Variants in COL22A1 observed in about 807,000 individuals in gnomAD.
The protein encoded by COL22A1 is collagen alpha-1(XXII) chain.
Under a neutral mutation model 248.9 loss-of-function variants are expected in COL22A1, and 221 were observed. The observed-to-expected ratio is 0.89, with a 90% CI of 0.80 to 0.99. The LOEUF (loss-of-function observed/expected upper bound fraction) is 0.99. Among genes scored for constraint, COL22A1 ranks in the 50% least tolerant of loss-of-function variants. COL22A1 has a pLI of 0.00. For synonymous variants in COL22A1, 891 were observed against 793.4 expected (o/e 1.12, Z -2.07); for missense variants, 2,240 against 2,179.0 (o/e 1.03, Z -0.56).
At chr8:138,911,254 C>A (rs1815432132) in intron 1 of COL22A1, among the ~76,000 whole-genome samples, 1 of 152,306 alleles carries the variant, frequency 6.6e-6, no homozygotes, top group South Asian at 2.1e-4. Flanking sequence ...CTCTGGGGAC[C>A]AAGACAGCAG....
chr8:138,697,848 G>A (rs766107309), intron 32 of COL22A1, among the ~76,000 whole-genome samples: 17 of 152,362 alleles, frequency 1.1e-4, no homozygotes, highest in African/African-American at 3.8e-4. Context: ...CCATGGTGAC[G>A]AAGCCAGTCC....
Position 138,785,238 on chromosome 8 carries a change from C to T in COL22A1, c.1597-4258G>A, listed in dbSNP as rs892494415. ...CTGCCTCAGAGGCGGAGAAGCTCTGCGTGGAGCCAGGAGACGGTGGTGAGC... is the reference window on the plus strand; with the variant it reads ...CTGCCTCAGAGGCGGAGAAGCTCTGTGTGGAGCCAGGAGACGGTGGTGAGC... On this transcript the variant is annotated intron_variant, in intron 12 of 64. Coordinates refer to ENST00000303045, the MANE Select transcript of COL22A1 (RefSeq NM_152888.3). 2.0e-5 allele frequency among the ~76,000 whole-genome samples: 3 copies of T among 152,316 alleles called. No individual in the cohort carries two copies. In the South Asian group the frequency reaches 6.2e-4, roughly 32 times the overall value.
At chr8:138,805,365 A>G (rs62645394) in intron 10 of COL22A1, among the ~76,000 whole-genome samples, 47,668 of 129,776 alleles carry the variant, frequency 0.37, 8,879 homozygotes, top group African/African-American at 0.56. Context: ...GATGGTGTGC[A>G]TGGGTGTGTG....
chr8:138,706,365 A>G (rs1828446790), intron 30 of COL22A1, among the ~76,000 whole-genome samples: 1 of 152,216 alleles, frequency 6.6e-6, no homozygotes, highest in Admixed American at 6.5e-5. Flanking sequence ...CATTCATTCC[A>G]AAATTGGCCA....
intron 12 of COL22A1, among the ~76,000 whole-genome samples, chr8:138,781,399 G>C (rs770825163): frequency 2.6e-5 from 4 of 152,164 alleles, no homozygotes; most frequent in African/African-American, 7.2e-5. Context: ...CTATGGGGCT[G>C]AGCTGTGCAC....
chr8:138,826,883 G>T lies in COL22A1; in HGVS notation c.846-102C>A, dbSNP rs895686354. Reference sequence around the variant, plus strand: ...AGCAGTGATCAAGCCCTGCCAATTTGACTTCCTAAATATTTCCACCATCCA... The same window carrying T: ...AGCAGTGATCAAGCCCTGCCAATTTTACTTCCTAAATATTTCCACCATCCA... On this transcript the variant is annotated intron_variant, in intron 5 of 64. Coordinates refer to ENST00000303045, the MANE Select transcript of COL22A1 (RefSeq NM_152888.3). 19 of 1,389,342 alleles carry T rather than the reference G, an allele frequency of 1.4e-5. No individual in the cohort carries two copies. In the South Asian group the frequency reaches 2.5e-4, roughly 18 times the overall value. 86.1% of individuals were successfully genotyped at this position (1,389,342 alleles called of 1,614,324 possible).
At chr8:138,907,987 T>A (rs1233949455) in intron 1 of COL22A1, among the ~76,000 whole-genome samples, 2 of 152,060 alleles carry the variant, frequency 1.3e-5, no homozygotes, top group Non-Finnish European at 2.9e-5. Flanking sequence ...GGAGACACAC[T>A]CAAATCGTAA....
At chr8:138,835,782 T>C (rs1266142781) in intron 4 of COL22A1, among the ~76,000 whole-genome samples, 3 of 152,156 alleles carry the variant, frequency 2.0e-5, no homozygotes, top group African/African-American at 2.4e-5. Context: ...AGTACGAGCC[T>C]CAACCTCTCT....
At chr8:138,882,931 A>C in intron 2 of COL22A1, 151 bp downstream of exon 2, 1 of 693,798 alleles carries the variant, frequency 1.4e-6, no homozygotes, top group Non-Finnish European at 2.3e-6. Flanking sequence ...GTTAGAAGGC[A>C]GCTGACTCAC....
At position 138,899,967 on chromosome 8, in the gene COL22A1, T is replaced by C. The variant is rs937992289; in HGVS notation, c.-73+13652A>G. ...CCAGTAGACTGCAGGGTACCAGATA[T>C]GGCGAAGGTATGATGATGCAGATGA... is the stretch of plus-strand genomic sequence containing the variant. On this transcript the variant is annotated intron_variant, in intron 1 of 64. Transcript: ENST00000303045. 2.0e-5 allele frequency among the ~76,000 whole-genome samples: 3 copies of C among 152,330 alleles called. No homozygotes were observed. The South Asian group carries it at 6.2e-4, about 32-fold the overall frequency.
At chr8:138,838,686 T>TA (rs1820623364) in intron 4 of COL22A1, among the ~76,000 whole-genome samples, 1 of 108,290 alleles carries the variant, frequency 9.2e-6, no homozygotes, top group Non-Finnish European at 2.0e-5. Flanking sequence ...AAAAAAAAGA[T>TA]AAATTGCCCA....
At chr8:138,613,731 C>G (rs1445956781) in intron 56 of COL22A1, 136 bp downstream of exon 56, 1 of 835,988 alleles carries the variant, frequency 1.2e-6, no homozygotes, top group Non-Finnish European at 2.1e-6. Context: ...AGGGGGGCAG[C>G]TATTTACCAA....
At chr8:138,884,517 C>G (rs959078315) in intron 1 of COL22A1, among the ~76,000 whole-genome samples, 1 of 152,178 alleles carries the variant, frequency 6.6e-6, no homozygotes, top group Admixed American at 6.5e-5. Flanking sequence ...TTGGTGAATA[C>G]TTTTTAAAAG....
At chr8:138,880,738 GT>G (rs1238212662) in intron 2 of COL22A1, among the ~76,000 whole-genome samples, 2 of 152,182 alleles carry the variant, frequency 1.3e-5, no homozygotes, top group African/African-American at 4.8e-5. Context: ...TTCCTGGGGA[GT>G]TTTTTTCCTT....
intron 3 of COL22A1, among the ~76,000 whole-genome samples, chr8:138,854,357 A>AG (rs1208451780): frequency 6.6e-6 from 1 of 152,208 alleles, no homozygotes; most frequent in African/African-American, 2.4e-5. Flanking sequence ...CCTGAAGCCC[A>AG]GAATTTCAGT....
At chr8:138,599,339 C>T (rs1206762018) in intron 60 of COL22A1, among the ~76,000 whole-genome samples, 7 of 152,162 alleles carry the variant, frequency 4.6e-5, no homozygotes, top group Admixed American at 3.9e-4. Flanking sequence ...ATTAGCCGGG[C>T]GTGGTGGCAG....
chr8:138,598,242 C>G (rs115971820), intron 61 of COL22A1, among the ~76,000 whole-genome samples: 2 of 152,112 alleles, frequency 1.3e-5, no homozygotes, highest in South Asian at 4.1e-4. Context: ...GAAAGAGAGA[C>G]GCAGGGGGAC....
chr8:138,878,072 C>T lies in COL22A1; in HGVS notation c.336G>A (p.Gly112=). ...GCGCGTCTCCCGTGTTGGTGTTGCC[C>T]CCGTGGTAGGCGAGACGCCGGGCAG... ...KAAARRLAYH[G]GNTNTGDALR... The change falls in exon 3 of 65, where the codon GGG becomes GGA. Residue 112 remains glycine, a synonymous_variant. Coordinates refer to ENST00000303045, the MANE Select transcript of COL22A1 (RefSeq NM_152888.3). 6.3e-7 allele frequency: 1 copy of T among 1,598,674 alleles called. No individual in the cohort carries two copies. The highest frequency in any genetic ancestry group is 8.5e-7 in the Non-Finnish European group (1 of 1,173,506).
At chr8:138,800,049 C>T (rs932138150) in intron 11 of COL22A1, among the ~76,000 whole-genome samples, 30 of 152,156 alleles carry the variant, frequency 2.0e-4, no homozygotes, top group African/African-American at 7.2e-4. Context: ...CAGAGTTCTT[C>T]GTTCCTAAGG....
Sources: allele counts gnomAD v4.1 joint callset (sites outside exome capture counted in the v4.1 genomes callset), GRCh38; gene constraint gnomAD v4.1.1; transcripts MANE v1.5; gene names NCBI Gene and HGNC (gene_info 2026-07-23, HGNC 2026-07-21).